Variants in CD96 observed in about 807,000 individuals in gnomAD.
The protein encoded by CD96 is CD96 molecule, also known as T-cell surface protein tactile.
A neutral mutation model predicts 71.3 loss-of-function variants in CD96; 70 were observed. The ratio of observed to expected loss-of-function variants is 0.98; its 90% confidence interval spans 0.81 to 1.20. CD96 has a LOEUF of 1.20. Ranked by LOEUF, CD96 falls within the 50% of genes most tolerant of loss-of-function variation. The pLI is 0.00. For missense variants in CD96, 742 were observed against 677.5 expected (o/e 1.10, Z -1.06); for synonymous variants, 248 against 233.0 (o/e 1.06, Z -0.59).
chr3:111,585,129 A>G (rs1244390549), intron 4 of CD96, among the ~76,000 whole-genome samples, 194 bp from the exon 5 acceptor site: 2 of 152,084 alleles, frequency 1.3e-5, no homozygotes. Flanking sequence ...TTATTTGTCC[A>G]CATTTGTTTC....
At chr3:111,615,185 G>A (rs1938167695) in intron 8 of CD96, among the ~76,000 whole-genome samples, 2 of 152,206 alleles carry the variant, frequency 1.3e-5, no homozygotes, top group African/African-American at 4.8e-5. Flanking sequence ...AAGAGTTAAA[G>A]GAAATACAGT....
At chr3:111,635,246 G>A (rs1158643303) in intron 10 of CD96, among the ~76,000 whole-genome samples, 3 of 152,050 alleles carry the variant, frequency 2.0e-5, no homozygotes, top group African/African-American at 7.3e-5. Flanking sequence ...TCAGACATGT[G>A]GAATCCATCA....
intron 2 of CD96, among the ~76,000 whole-genome samples, chr3:111,548,454 G>C (rs1428733640): frequency 6.6e-6 from 1 of 152,128 alleles, no homozygotes; most frequent in African/African-American, 2.4e-5. Flanking sequence ...ACTTGACAGA[G>C]TTTCCTCCTA....
intron 14 of CD96, among the ~76,000 whole-genome samples, chr3:111,661,575 G>A (rs190438545): frequency 6.6e-6 from 1 of 152,338 alleles, no homozygotes; most frequent in Admixed American, 6.5e-5. Context: ...CTCCCATTCT[G>A]AAAGGGAGAA....
intron 8 of CD96, among the ~76,000 whole-genome samples, chr3:111,616,008 A>G (rs1938215359): frequency 6.6e-6 from 1 of 152,074 alleles, no homozygotes; most frequent in Admixed American, 6.5e-5. Context: ...TTTTGTTCAA[A>G]TGTCACCTTC....
chr3:111,665,235 CT>C (rs1232275122), intron 14 of CD96, among the ~76,000 whole-genome samples: 1 of 151,600 alleles, frequency 6.6e-6, no homozygotes, highest in Non-Finnish European at 1.5e-5. Context: ...ACTTTTGCAA[CT>C]TTTTTTGAAG....
At chr3:111,573,691 A>G (rs1458805817) in intron 3 of CD96, among the ~76,000 whole-genome samples, 2 of 144,892 alleles carry the variant, frequency 1.4e-5, no homozygotes, top group Non-Finnish European at 3.2e-5. Flanking sequence ...TATTAGTGAC[A>G]AAAGCACATA....
At chr3:111,589,789 A>T (rs1936891195) in intron 5 of CD96, among the ~76,000 whole-genome samples, 1 of 152,220 alleles carries the variant, frequency 6.6e-6, no homozygotes, top group Non-Finnish European at 1.5e-5. Flanking sequence ...ATCCAGGCAG[A>T]ATAGTATTAT....
intron 10 of CD96, among the ~76,000 whole-genome samples, chr3:111,629,980 A>G (rs1938976630): frequency 6.6e-6 from 1 of 152,216 alleles, no homozygotes; most frequent in Non-Finnish European, 1.5e-5. Context: ...CAACAATACA[A>G]TGTACCAGAA....
At chr3:111,639,080 G>C (rs1411639069) in intron 12 of CD96, among the ~76,000 whole-genome samples, 1 of 152,226 alleles carries the variant, frequency 6.6e-6, no homozygotes, top group Non-Finnish European at 1.5e-5. Context: ...GCAGCATGCA[G>C]AGTCTTCATT....
intron 3 of CD96, among the ~76,000 whole-genome samples, chr3:111,574,347 C>T (rs1936127056): frequency 6.6e-6 from 1 of 152,170 alleles, no homozygotes; most frequent in African/African-American, 2.4e-5. Flanking sequence ...TGGATCATTT[C>T]AGATTTCAGA....
chr3:111,567,630 A>G lies in CD96; in HGVS notation c.526A>G (p.Thr176Ala), dbSNP rs374066536. 6.2e-7 allele frequency: 1 copy of G among 1,613,264 alleles called. No individual in the cohort carries two copies. Among genetic ancestry groups the G allele is most frequent in the Non-Finnish European group, 8.5e-7 (1 of 1,179,338 alleles). The change falls in exon 3 of 14, where the codon ACC (threonine) becomes GCC (alanine). Residue 176 changes from threonine to alanine, a missense_variant. Physicochemically the swap from Thr to Ala is moderately conservative, Grantham distance 58. Coordinates refer to ENST00000352690, the MANE Select transcript of CD96 (RefSeq NM_005816.5). ...CTCCTCAAAAATTTCATCTGAGTTC[A>G]CCTATGCATGGTCGGTGGTAAGTGT... is the stretch of plus-strand genomic sequence containing the variant. ...NSSSKISSEF[T>A]YAWSVEDNGT...
chr3:111,585,377 A>C lies in CD96; in HGVS notation c.806A>C (p.Glu269Ala), dbSNP rs1266255299. ...VENNSTDVLV[E>A]RRFTCLLKNV... ...AATAACTCCACGGATGTCTTGGTAG[A>C]GGTGAGTCACATAAAAGCCTTTGAA... is the stretch of plus-strand genomic sequence containing the variant. The change falls in exon 5 of 14, where the codon GAG becomes GCG. Residue 269 changes from glutamate (E) to alanine (A), a missense_variant and splice_region_variant. Coordinates refer to ENST00000352690, the MANE Select transcript of CD96 (RefSeq NM_005816.5). 6.3e-7 allele frequency: 1 copy of C among 1,597,140 alleles called. No individual in the cohort carries two copies. Among genetic ancestry groups the C allele is most frequent in the Non-Finnish European group, 8.6e-7 (1 of 1,164,808 alleles).
chr3:111,611,281 G>T (rs1191277013), intron 8 of CD96, among the ~76,000 whole-genome samples: 1 of 152,194 alleles, frequency 6.6e-6, no homozygotes, highest in Non-Finnish European at 1.5e-5. Flanking sequence ...GCAAGTGGAT[G>T]ATCAGACATT....
At chr3:111,592,217 G>A (rs1937023504) in intron 5 of CD96, among the ~76,000 whole-genome samples, 1 of 152,112 alleles carries the variant, frequency 6.6e-6, no homozygotes, top group South Asian at 2.1e-4. Flanking sequence ...GTACTTTCCA[G>A]TTTGATTTTA....
chr3:111,650,956 T>C lies in CD96; in HGVS notation c.*1150T>C, dbSNP rs1940050211. 6.6e-6 allele frequency: 1 copy of C among 152,256 alleles called. No homozygotes were observed. The highest frequency in any genetic ancestry group is 1.5e-5 in the Non-Finnish European group (1 of 68,050). The allele number at this position is 152,256 out of a possible 1,614,324, so 9.4% of individuals were successfully genotyped here. ...TGATAGGCAAATTCTGTGTGGACTT[T>C]AGTCCCAAAAGGAAACTTTAGTTCA... On this transcript the variant is annotated 3_prime_UTR_variant, in exon 14 of 14. Coordinates refer to ENST00000352690, the MANE Select transcript of CD96 (RefSeq NM_005816.5).
At position 111,600,914 on chromosome 3, in the gene CD96, G is replaced by C. The variant is rs770102586; in HGVS notation, c.1087G>C (p.Gly363Arg). 6.3e-7 allele frequency: 1 copy of C among 1,590,282 alleles called. No homozygotes were observed. The highest frequency in any genetic ancestry group is 1.1e-5 in the South Asian group (1 of 90,498). The change falls in exon 7 of 14, where the codon GGT (glycine) becomes CGT (arginine). Residue 363 changes from glycine to arginine, a missense_variant and splice_region_variant. Coordinates refer to ENST00000352690, the MANE Select transcript of CD96 (RefSeq NM_005816.5). ...ATCAGAAAAGATCACTTTTCTCTTA[G>C]GTGAGTTGTCTATTTAATAAGATCA... ...ISSEKITFLL[G>R]SEISSTDPPL... is the part of the protein sequence containing the mutation.
intron 7 of CD96, among the ~76,000 whole-genome samples, chr3:111,603,085 G>T (rs958138036): frequency 6.6e-6 from 1 of 151,996 alleles, no homozygotes; most frequent in African/African-American, 2.4e-5. Context: ...AGCTATTTGT[G>T]CACTAGGACC....
intron 8 of CD96, chr3:111,612,789 A>G (rs930548512): frequency 2.2e-5 from 18 of 809,764 alleles, no homozygotes; most frequent in Non-Finnish European, 2.7e-5. Context: ...GTCAAACATG[A>G]CACCTATGCT....
Sources: gnomAD v4.1 joint callset for allele counts (sites outside exome capture counted in the v4.1 genomes callset) on GRCh38, gnomAD v4.1.1 for gene constraint, MANE v1.5 for transcripts, NCBI Gene and HGNC (gene_info 2026-07-23, HGNC 2026-07-21) for gene names.